Variants in BORCS5 observed in about 807,000 individuals in gnomAD.
The protein encoded by BORCS5 is BLOC-1-related complex subunit 5.
A neutral mutation model predicts 22.1 loss-of-function variants in BORCS5; 17 were observed. The observed-to-expected ratio is 0.77, with a 90% CI of 0.53 to 1.15. The LOEUF (loss-of-function observed/expected upper bound fraction) is 1.15. BORCS5 is among the 50% of genes most tolerant of loss of function. BORCS5 has a pLI of 0.00. For synonymous variants in BORCS5, 117 were observed against 99.8 expected, an observed-to-expected ratio of 1.17 and a Z score of -1.03; for missense variants, 247 against 253.2, an observed-to-expected ratio of 0.98 and a Z score of 0.17.
intron 1 of BORCS5, among the ~76,000 whole-genome samples, chr12:12,358,011 A>C (rs896899281): frequency 6.6e-6 from 1 of 152,242 alleles, no homozygotes; most frequent in Non-Finnish European, 1.5e-5. Flanking sequence ...TCCGTTTTCT[A>C]ATCTTGTAGA....
intron 2 of BORCS5, among the ~76,000 whole-genome samples, chr12:12,401,971 C>G (rs1352117658): frequency 6.7e-6 from 1 of 149,360 alleles, no homozygotes; most frequent in Non-Finnish European, 1.5e-5. Context: ...GAGGCTGAGG[C>G]AGGAGAATGG....
At chr12:12,402,065 C>CAAAA (rs550592058) in intron 2 of BORCS5, among the ~76,000 whole-genome samples, 15 of 94,326 alleles carry the variant, frequency 1.6e-4, no homozygotes, top group African/African-American at 4.4e-4. Context: ...GACTCCGTCT[C>CAAAA]AAAAAAAAAA....
chr12:12,430,273 C>T (rs1275649086), intron 2 of BORCS5, among the ~76,000 whole-genome samples: 2 of 150,978 alleles, frequency 1.3e-5, no homozygotes, highest in Non-Finnish European at 2.9e-5. Flanking sequence ...GCCTCAGCCT[C>T]CCGAGTAGCT....
At chr12:12,378,089 A>G (rs1863694131) in intron 2 of BORCS5, among the ~76,000 whole-genome samples, 1 of 152,158 alleles carries the variant, frequency 6.6e-6, no homozygotes, top group Non-Finnish European at 1.5e-5. Context: ...AGTCTATTAT[A>G]GGCCGGGCAC....
intron 3 of BORCS5, among the ~76,000 whole-genome samples, chr12:12,443,626 T>C (rs947152433): frequency 1.3e-5 from 2 of 152,240 alleles, no homozygotes; most frequent in Admixed American, 1.3e-4. Context: ...GAATCTAGTT[T>C]ATTACTTGCC....
At chr12:12,449,161 A>T (rs1467059022) in intron 3 of BORCS5, among the ~76,000 whole-genome samples, 4 of 152,082 alleles carry the variant, frequency 2.6e-5, no homozygotes, top group Non-Finnish European at 2.9e-5. Flanking sequence ...CATGCCTAGG[A>T]GCTTCATCCT....
intron 2 of BORCS5, among the ~76,000 whole-genome samples, chr12:12,423,473 T>C (rs1314306058): frequency 3.7e-5 from 5 of 136,254 alleles, no homozygotes; most frequent in Non-Finnish European, 7.8e-5. Flanking sequence ...TTTTCCTGAC[T>C]GATACGCTTA....
At chr12:12,438,047 C>T (rs1942590848) in intron 3 of BORCS5, among the ~76,000 whole-genome samples, 1 of 152,146 alleles carries the variant, frequency 6.6e-6, no homozygotes, top group Non-Finnish European at 1.5e-5. Flanking sequence ...CCATTTTTTA[C>T]AGTTGTGCTA....
In BORCS5 at chr12:12,465,858, C is replaced by T; in HGVS notation, c.*82C>T. On this transcript the variant is annotated 3_prime_UTR_variant, in exon 4 of 4. Coordinates refer to ENST00000314565, the MANE Select transcript of BORCS5 (RefSeq NM_058169.6). ...GTGGAGCTAAGGTCATATCATCTGACCAGGTCTGGAGGCTGGCGGGAGGCT... is the reference window on the plus strand; with the variant it reads ...GTGGAGCTAAGGTCATATCATCTGATCAGGTCTGGAGGCTGGCGGGAGGCT... 8.0e-7 allele frequency: 1 copy of T among 1,256,708 alleles called. No individual in the cohort carries two copies. Among genetic ancestry groups the T allele is most frequent in the South Asian group, 1.4e-5 (1 of 73,114 alleles). The allele number at this position is 1,256,708 out of a possible 1,614,324, so 77.8% of individuals were successfully genotyped here.
chr12:12,466,799 C>T lies in BORCS5; in HGVS notation c.*1023C>T. 6.6e-6 allele frequency: 1 copy of T among 152,346 alleles called. No individual in the cohort carries two copies. The highest frequency in any genetic ancestry group is 1.5e-5 in the Non-Finnish European group (1 of 68,050). 9.4% of individuals were successfully genotyped at this position (152,346 alleles called of 1,614,324 possible). Reference sequence around the variant, plus strand: ...CGCTGGGGCCAGGACGGCATGCAGGCCTGTACCCTGTTCCCTAAGTTCCTG... The same window carrying T: ...CGCTGGGGCCAGGACGGCATGCAGGTCTGTACCCTGTTCCCTAAGTTCCTG... On this transcript the variant is annotated 3_prime_UTR_variant, in exon 4 of 4. Coordinates refer to ENST00000314565, the MANE Select transcript of BORCS5 (RefSeq NM_058169.6).
intron 2 of BORCS5, among the ~76,000 whole-genome samples, chr12:12,406,487 A>T (rs1224260425): frequency 1.3e-5 from 2 of 152,216 alleles, no homozygotes; most frequent in Non-Finnish European, 2.9e-5. Context: ...ATGAGTTAAC[A>T]CGTGCAAGAA....
Position 12,417,533 on chromosome 12 carries a change from A to G in BORCS5, c.203-18095A>G, listed in dbSNP as rs77812889. On this transcript the variant is annotated intron_variant, in intron 2 of 3. Transcript: ENST00000314565. ...TACTTATCTTCTGTTTGGTGGTTCT[A>G]GTCATTATTGTGAGTGGGATATTGA... Among the ~76,000 whole-genome samples, 9 of 152,170 alleles carry G rather than the reference A, an allele frequency of 5.9e-5. 1 individual carries two copies. The East Asian group carries it at 1.4e-3, about 23-fold the overall frequency.
intron 2 of BORCS5, among the ~76,000 whole-genome samples, chr12:12,427,886 C>G (rs777828282): frequency 7.2e-5 from 11 of 152,210 alleles, no homozygotes; most frequent in Non-Finnish European, 1.5e-4. Flanking sequence ...CCTCTATACT[C>G]ATGATCTACT....
At chr12:12,438,596 T>C (rs939353185) in intron 3 of BORCS5, among the ~76,000 whole-genome samples, 1 of 152,028 alleles carries the variant, frequency 6.6e-6, no homozygotes, top group East Asian at 1.9e-4. Context: ...TACTCGGAAG[T>C]TTTTTCCTCC....
intron 2 of BORCS5, among the ~76,000 whole-genome samples, chr12:12,430,589 A>G (rs1942398065): frequency 6.6e-6 from 1 of 152,212 alleles, no homozygotes; most frequent in South Asian, 2.1e-4. Context: ...ATAGATGAGG[A>G]AAAACCTCAG....
At chr12:12,435,823 G>C in intron 3 of BORCS5, 38 bp downstream of exon 3, 1 of 1,588,864 alleles carries the variant, frequency 6.3e-7, no homozygotes, top group Middle Eastern at 1.7e-4. Flanking sequence ...CTGACTGGTT[G>C]TTGTGATTCT....
intron 2 of BORCS5, among the ~76,000 whole-genome samples, chr12:12,419,128 T>C (rs1176707220): frequency 2.0e-5 from 3 of 152,162 alleles, no homozygotes; most frequent in African/African-American, 7.2e-5. Flanking sequence ...ATGTGCCATG[T>C]TGGTTTGCTG....
chr12:12,370,624 G>A (rs541267069), intron 2 of BORCS5, among the ~76,000 whole-genome samples: 42 of 152,256 alleles, frequency 2.8e-4, no homozygotes, highest in African/African-American at 8.7e-4. Flanking sequence ...ATTCAAATCA[G>A]TGCGGGAACA....
intron 2 of BORCS5, among the ~76,000 whole-genome samples, chr12:12,416,779 C>CT (rs36106735): frequency 0.23 from 25,935 of 112,196 alleles, 4,350 homozygotes; most frequent in Non-Finnish European, 0.32. Context: ...TTAATGTAAA[C>CT]TTTTTTTTTT....
Sources: gnomAD v4.1 joint callset for allele counts (sites outside exome capture counted in the v4.1 genomes callset) on GRCh38, gnomAD v4.1.1 for gene constraint, MANE v1.5 for transcripts, NCBI Gene and HGNC (gene_info 2026-07-23, HGNC 2026-07-21) for gene names.